Variants in NXPE4 observed in about 807,000 individuals in gnomAD.
NXPE4 encodes the protein NXPE family member 4.
In NXPE4, 42 loss-of-function variants were observed where a neutral mutation model predicts 33.3. The ratio of observed to expected loss-of-function variants is 1.26; its 90% CI spans 0.98 to 1.63. NXPE4 has a LOEUF of 1.63. NXPE4 is among the 40% of genes most tolerant of loss of function. NXPE4 has a pLI of 0.00. For missense variants in NXPE4, 709 were observed against 647.6 expected (o/e 1.09, Z -1.03); for synonymous variants, 253 against 234.9 (o/e 1.08, Z -0.71).
the NXPE4 span, among the ~76,000 whole-genome samples, chr11:114,623,517 C>G: frequency 6.6e-6 from 1 of 151,210 alleles, no homozygotes; most frequent in Non-Finnish European, 1.5e-5. Flanking sequence ...AATAAGTATT[C>G]CCTCGTGGAT....
chr11:114,600,320 A>C (rs937422013), upstream of NXPE4, among the ~76,000 whole-genome samples: 1 of 152,144 alleles, frequency 6.6e-6, no homozygotes, highest in Non-Finnish European at 1.5e-5. Context: ...CTCATTTAAA[A>C]GTCAAAACAA....
Position 114,572,258 on chromosome 11 carries a change from C to G in NXPE4, c.1100-785G>C, listed in dbSNP as rs539668748. 3.9e-5 allele frequency among the ~76,000 whole-genome samples: 6 copies of G among 152,148 alleles called. No homozygotes were observed. The East Asian group carries it at 1.2e-3, about 29-fold the overall frequency. ...CAGATCTTCCCTCTGACATGTCTACCAAAATGAGAAGAAACCCCAAAACCA... is the reference window on the plus strand; with the variant it reads ...CAGATCTTCCCTCTGACATGTCTACGAAAATGAGAAGAAACCCCAAAACCA... On this transcript the variant is annotated intron_variant, in intron 5 of 5. Transcript: ENST00000375478.
chr11:114,604,956 T>C, the NXPE4 span, among the ~76,000 whole-genome samples: 10 of 147,370 alleles, frequency 6.8e-5, no homozygotes, highest in South Asian at 6.5e-4. Flanking sequence ...TGGATAATAA[T>C]TGTTGCCTCT....
the NXPE4 span, among the ~76,000 whole-genome samples, chr11:114,623,242 G>A: frequency 2.6e-5 from 4 of 152,108 alleles, no homozygotes; most frequent in Non-Finnish European, 5.9e-5. Context: ...CATAACCACT[G>A]TTTCCCGGTG....
At chr11:114,617,676 G>C in the NXPE4 span, among the ~76,000 whole-genome samples, 11 of 151,790 alleles carry the variant, frequency 7.2e-5, no homozygotes, top group Admixed American at 3.3e-4. Context: ...ACTGTTACCC[G>C]GTGGATAAAA....
At chr11:114,651,331 G>A in the NXPE4 span, among the ~76,000 whole-genome samples, 79 of 151,818 alleles carry the variant, frequency 5.2e-4, no homozygotes, top group African/African-American at 1.3e-3. Context: ...GTTACAGCTC[G>A]TTAAGGTGGC....
chr11:114,601,699 ATTCT>A, the NXPE4 span, among the ~76,000 whole-genome samples: 29 of 71,396 alleles, frequency 4.1e-4, 3 homozygotes, highest in African/African-American at 1.4e-3. Flanking sequence ...TATATTTATA[ATTCT>A]TTATATATTA....
the NXPE4 span, among the ~76,000 whole-genome samples, chr11:114,652,106 C>T: frequency 2.0e-5 from 3 of 152,224 alleles, no homozygotes; most frequent in African/African-American, 7.2e-5. Context: ...TTTTAATCTA[C>T]TGCCTAGAGT....
the NXPE4 span, among the ~76,000 whole-genome samples, chr11:114,673,541 T>C: frequency 1.3e-5 from 2 of 151,768 alleles, no homozygotes; most frequent in South Asian, 4.2e-4. Flanking sequence ...AAAAAAGTCC[T>C]TTCAAAAGAC....
At chr11:114,639,747 AAT>A in the NXPE4 span, among the ~76,000 whole-genome samples, 6 of 130,342 alleles carry the variant, frequency 4.6e-5, no homozygotes, top group Admixed American at 8.9e-5. Context: ...AATAATATAT[AAT>A]ATATATTATA....
At chr11:114,647,961 A>G in the NXPE4 span, among the ~76,000 whole-genome samples, 1 of 152,134 alleles carries the variant, frequency 6.6e-6, no homozygotes, top group East Asian at 1.9e-4. Flanking sequence ...TGGCCTCCCA[A>G]AGTTCTGGGA....
the NXPE4 span, among the ~76,000 whole-genome samples, chr11:114,676,354 C>T: frequency 7.7e-4 from 117 of 151,814 alleles, no homozygotes; most frequent in East Asian, 0.022. Flanking sequence ...GCAAACCATA[C>T]ATCTGATAAG....
chr11:114,648,212 G>A, the NXPE4 span, among the ~76,000 whole-genome samples: 2 of 152,142 alleles, frequency 1.3e-5, no homozygotes, highest in African/African-American at 4.8e-5. Flanking sequence ...GAGGGGCCCC[G>A]AGATGACCTT....
At chr11:114,677,772 A>G in the NXPE4 span, among the ~76,000 whole-genome samples, 1,331 of 152,184 alleles carry the variant, frequency 8.7e-3, 19 homozygotes, top group African/African-American at 0.031. Flanking sequence ...GATAGCTATC[A>G]TCTATCTATA....
At chr11:114,674,198 G>A in the NXPE4 span, among the ~76,000 whole-genome samples, 1 of 151,770 alleles carries the variant, frequency 6.6e-6, no homozygotes, top group Non-Finnish European at 1.5e-5. Context: ...TGCATATGTT[G>A]CATTTCCTAC....
the NXPE4 span, among the ~76,000 whole-genome samples, chr11:114,611,442 C>T: frequency 2.0e-5 from 3 of 151,286 alleles, no homozygotes; most frequent in South Asian, 6.3e-4. Context: ...ATCACTGTTA[C>T]CCAGTGGATA....
At chr11:114,625,733 C>A in the NXPE4 span, among the ~76,000 whole-genome samples, 8 of 152,136 alleles carry the variant, frequency 5.3e-5, no homozygotes, top group African/African-American at 1.7e-4. Context: ...ACGCAGAAGG[C>A]AGGTGATTTC....
chr11:114,612,525 C>G, the NXPE4 span, among the ~76,000 whole-genome samples: 4 of 151,874 alleles, frequency 2.6e-5, no homozygotes, highest in South Asian at 6.2e-4. Flanking sequence ...GGGGTAACCA[C>G]TGTTACCCTG....
chr11:114,601,969 ATATTCTG>A, the NXPE4 span, among the ~76,000 whole-genome samples: 2 of 85,858 alleles, frequency 2.3e-5, no homozygotes, highest in African/African-American at 9.4e-5. Context: ...TATATATTAT[ATATTCTG>A]TTATATATAA....
Sources: gnomAD v4.1 joint callset for allele counts (sites outside exome capture counted in the v4.1 genomes callset) on GRCh38, gnomAD v4.1.1 for gene constraint, MANE v1.5 for transcripts, NCBI Gene and HGNC (gene_info 2026-07-23, HGNC 2026-07-21) for gene names.